RARB: variants seen among roughly 807,000 people sequenced by gnomAD.
RARB encodes the protein HBV-activated protein.
Under a neutral mutation model 51.9 loss-of-function variants are expected in RARB, and 17 were observed. The ratio of observed to expected loss-of-function variants is 0.33; its 90% CI spans 0.22 to 0.49. The LOEUF (loss-of-function observed/expected upper bound fraction) is 0.49, where lower values mean the gene tolerates loss of function less well. Ranked by LOEUF, RARB falls within the 20% of genes least tolerant of loss-of-function variation. RARB has a pLI of 0.99. For synonymous variants in RARB, 215 were observed against 195.4 expected (o/e 1.10, Z -0.84); for missense variants, 369 against 550.8 (o/e 0.67, Z 3.30).
chr3:25,356,999 G>C (rs1445457985), intron 5 of RARB, among the ~76,000 whole-genome samples: 1 of 152,152 alleles, frequency 6.6e-6, no homozygotes, highest in South Asian at 2.1e-4. Context: ...CTTTGTAGTA[G>C]AATGATTTAT....
intron 5 of RARB, among the ~76,000 whole-genome samples, chr3:25,185,386 T>A (rs1700952537): frequency 6.6e-6 from 1 of 152,154 alleles, no homozygotes. Flanking sequence ...GGTCTGCATG[T>A]CACTTTGTCC....
intron 5 of RARB, among the ~76,000 whole-genome samples, chr3:25,403,000 TA>T: frequency 6.6e-6 from 1 of 151,986 alleles, no homozygotes; most frequent in Non-Finnish European, 1.5e-5. Context: ...CCATCTCTAC[TA>T]AAAACACAAA....
chr3:25,285,474 G>A (rs1421849703), intron 5 of RARB, among the ~76,000 whole-genome samples: 1 of 152,166 alleles, frequency 6.6e-6, no homozygotes, highest in Non-Finnish European at 1.5e-5. Context: ...TGTTGGTAGT[G>A]ACATGATCAC....
intron 5 of RARB, among the ~76,000 whole-genome samples, chr3:25,257,854 G>A (rs547670066): frequency 1.3e-5 from 2 of 151,874 alleles, no homozygotes; most frequent in African/African-American, 4.8e-5. Context: ...AATACCATCC[G>A]ACATTCTCAG....
chr3:25,497,194 G>A (rs1001671045), intron 2 of RARB, among the ~76,000 whole-genome samples: 2 of 152,110 alleles, frequency 1.3e-5, no homozygotes, highest in Non-Finnish European at 2.9e-5. Context: ...CGAAAACCAG[G>A]TCTTAAGACT....
At chr3:25,266,021 T>C (rs1385622798) in intron 5 of RARB, among the ~76,000 whole-genome samples, 1 of 152,164 alleles carries the variant, frequency 6.6e-6, no homozygotes, top group Non-Finnish European at 1.5e-5. Context: ...TTCTCCCTTC[T>C]CATTCCTCTT....
intron 3 of RARB, among the ~76,000 whole-genome samples, chr3:25,512,093 A>G (rs1697923335): frequency 6.6e-6 from 1 of 152,336 alleles, no homozygotes; most frequent in African/African-American, 2.4e-5. Context: ...TACCTACTTC[A>G]TGTGGCTATT....
chr3:25,133,591 G>T (rs1699985908), intron 4 of RARB, among the ~76,000 whole-genome samples: 1 of 152,000 alleles, frequency 6.6e-6, no homozygotes, highest in African/African-American at 2.4e-5. Context: ...TCTCAAAAAT[G>T]CATTCTAATA....
chr3:25,538,672 A>G (rs1182323241), intron 3 of RARB, among the ~76,000 whole-genome samples: 1 of 152,228 alleles, frequency 6.6e-6, no homozygotes, highest in Non-Finnish European at 1.5e-5. Flanking sequence ...TGTATTTTAT[A>G]AAAGTATTTG....
intron 3 of RARB, among the ~76,000 whole-genome samples, chr3:25,097,651 A>T (rs1311092629): frequency 1.3e-5 from 2 of 152,130 alleles, no homozygotes; most frequent in Non-Finnish European, 2.9e-5. Flanking sequence ...CTCTAAAAAC[A>T]AAAGCTTTCT....
chr3:25,302,124 G>A (rs322668), intron 5 of RARB, among the ~76,000 whole-genome samples: 113,128 of 152,154 alleles, frequency 0.74, 42,573 homozygotes, highest in East Asian at 1. Flanking sequence ...AAGTCAGACA[G>A]TAACAGGTGT....
intron 1 of RARB, among the ~76,000 whole-genome samples, chr3:25,435,465 A>T (rs997940461): frequency 6.6e-6 from 1 of 152,212 alleles, no homozygotes; most frequent in African/African-American, 2.4e-5. Flanking sequence ...GTCCATAATT[A>T]TAAAAAGGCC....
At chr3:25,192,198 C>G (rs1000188652) in intron 5 of RARB, among the ~76,000 whole-genome samples, 1 of 152,068 alleles carries the variant, frequency 6.6e-6, no homozygotes, top group Non-Finnish European at 1.5e-5. Context: ...CTAAGTACAA[C>G]TAAATAACCT....
chr3:25,080,371 T>A lies in RARB; in HGVS notation c.-328+20195T>A, dbSNP rs76375513. Among the ~76,000 whole-genome samples the A allele has an allele frequency of 2.0e-5, 3 of 152,344 alleles. No homozygotes were observed. In the East Asian group the frequency reaches 5.8e-4, roughly 29 times the overall value. On this transcript the variant is annotated intron_variant, in intron 3 of 11. Transcript: ENST00000383772. ...CAGATATTTCCACATTTTAGCTATT[T>A]GAATAATGCTGCTATGAACATTGTT... is the stretch of plus-strand genomic sequence containing the variant.
intron 5 of RARB, among the ~76,000 whole-genome samples, chr3:25,256,806 A>G (rs949919093): frequency 1.5e-4 from 20 of 135,384 alleles, no homozygotes; most frequent in Non-Finnish European, 2.6e-4. Context: ...TAAAGTATGG[A>G]AAAAAAAAAT....
intron 5 of RARB, among the ~76,000 whole-genome samples, chr3:25,368,550 G>T (rs941229049): frequency 6.6e-6 from 1 of 152,164 alleles, no homozygotes; most frequent in Non-Finnish European, 1.5e-5. Flanking sequence ...ATGCACCAAT[G>T]AAAGAGGTGG....
chr3:25,336,071 A>G (rs973929022), intron 5 of RARB, among the ~76,000 whole-genome samples: 4 of 149,400 alleles, frequency 2.7e-5, no homozygotes, highest in African/African-American at 9.7e-5. Flanking sequence ...TGGGGAGGGA[A>G]AAAAAAAAAA....
chr3:24,908,594 A>C (rs888128354), intron 2 of RARB, among the ~76,000 whole-genome samples: 1 of 151,814 alleles, frequency 6.6e-6, no homozygotes, highest in African/African-American at 2.4e-5. Context: ...GAGGATAGAA[A>C]GTAAATGACT....
chr3:24,939,552 T>A (rs1483320845), intron 2 of RARB, among the ~76,000 whole-genome samples: 5 of 152,232 alleles, frequency 3.3e-5, no homozygotes, highest in African/African-American at 1.2e-4. Context: ...GGCAAACTCT[T>A]TTTAAATATT....
Sources: allele counts gnomAD v4.1 joint callset (sites outside exome capture counted in the v4.1 genomes callset), GRCh38; gene constraint gnomAD v4.1.1; transcripts MANE v1.5; gene names NCBI Gene and HGNC (gene_info 2026-07-23, HGNC 2026-07-21).